Variants in TANGO2 observed in about 807,000 individuals in gnomAD.
TANGO2 encodes transport and Golgi organization protein 2 homolog.
In TANGO2, 26 loss-of-function variants were observed where a neutral mutation model predicts 39.1. The observed-to-expected ratio is 0.67, with a 90% CI of 0.49 to 0.92. TANGO2 has a LOEUF of 0.92. Among genes scored for constraint, TANGO2 ranks in the 40% least tolerant of loss-of-function variants. The pLI, the probability that TANGO2 is intolerant of heterozygous loss-of-function variation, is 0.00. For missense variants in TANGO2, 326 were observed against 360.1 expected, an observed-to-expected ratio of 0.91 and a Z score of 0.77; for synonymous variants, 131 against 144.5, an observed-to-expected ratio of 0.91 and a Z score of 0.67.
chr22:20,028,514 C>A lies in TANGO2; in HGVS notation c.-40+7268C>A, dbSNP rs561575760. Among the ~76,000 whole-genome samples, 3 of 152,344 alleles carry A rather than the reference C, an allele frequency of 2.0e-5. No homozygotes were observed. The East Asian group carries it at 5.8e-4, about 29-fold the overall frequency. ...AACAACTATGGGTCCCACCAGCCTC[C>A]AGAGCTGCCAGTCGTGGCTACAGGA... On this transcript the variant is annotated intron_variant, in intron 1 of 8. Transcript: ENST00000327374.
intron 1 of TANGO2, among the ~76,000 whole-genome samples, chr22:20,026,302 G>A (rs1003062321): frequency 6.6e-6 from 1 of 152,196 alleles, no homozygotes; most frequent in Non-Finnish European, 1.5e-5. Context: ...GGAGGCTGAG[G>A]CAGGAGAATT....
At chr22:20,053,415 A>G in intron 4 of TANGO2, 22 bp from the exon 5 acceptor site, 1 of 1,533,848 alleles carries the variant, frequency 6.5e-7, no homozygotes, top group Admixed American at 1.7e-5. Flanking sequence ...CTGTGGACAC[A>G]GCATCTGTCC....
At chr22:20,053,156 A>G (rs544368230) in intron 4 of TANGO2, among the ~76,000 whole-genome samples, 5 of 152,032 alleles carry the variant, frequency 3.3e-5, no homozygotes, top group Admixed American at 3.3e-4. Context: ...GTGGACACAC[A>G]TTGTCCCCAC....
chr22:20,063,267 G>A, intron 7 of TANGO2, 71 bp from the exon 8 acceptor site: 1 of 1,412,442 alleles, frequency 7.1e-7, no homozygotes, highest in Non-Finnish European at 9.9e-7. Flanking sequence ...CCACCAGGTG[G>A]GCTGGGGCTA....
At chr22:20,063,080 C>T (rs1045960170) in intron 7 of TANGO2, 4 of 413,368 alleles carry the variant, frequency 9.7e-6, no homozygotes, top group African/African-American at 2.0e-5. Context: ...TGCTTGAACT[C>T]GGGAGGTGGA....
intron 2 of TANGO2, among the ~76,000 whole-genome samples, chr22:20,042,174 T>C (rs542135977): frequency 1.3e-5 from 2 of 151,878 alleles, no homozygotes; most frequent in African/African-American, 2.4e-5. Flanking sequence ...TTTGTAGATA[T>C]GGGGTCTTAC....
chr22:20,055,445 T>A (rs2047157230), intron 5 of TANGO2: 1 of 199,892 alleles, frequency 5.0e-6, no homozygotes, highest in Admixed American at 5.3e-5. Flanking sequence ...TTAACTATTT[T>A]AAAGTGTACA....
chr22:20,023,305 G>GT (rs2040079796), intron 1 of TANGO2, among the ~76,000 whole-genome samples: 1 of 149,370 alleles, frequency 6.7e-6, no homozygotes, highest in South Asian at 2.1e-4. Flanking sequence ...CTTTTTTTTT[G>GT]TTTTTACTAA....
At position 20,036,802 on chromosome 22, in the gene TANGO2, T is replaced by C; in HGVS notation, c.4T>C (p.Cys2Arg). The C allele has an allele frequency of 6.2e-7, 1 of 1,614,228 alleles. No individual in the cohort carries two copies. The highest frequency in any genetic ancestry group is 8.5e-7 in the Non-Finnish European group (1 of 1,180,028). ...AGCAGAGCCGCCCTGCACCACCATG[T>C]GCATCATCTTCTTTAAGTTTGATCC... The part of the protein sequence containing the change: M[C>R]IIFFKFDPRP... Residue 2 changes from cysteine (C) to arginine (R), a missense_variant, in exon 2 of 9, where the codon TGC becomes CGC. Transcript: ENST00000327374.
At chr22:20,046,812 A>G (rs1161683564) in intron 3 of TANGO2, among the ~76,000 whole-genome samples, 4 of 151,904 alleles carry the variant, frequency 2.6e-5, no homozygotes, top group African/African-American at 9.7e-5. Context: ...CAATTTTTGT[A>G]TTTTTAGTAG....
At chr22:20,044,093 G>A (rs1747438321) in intron 3 of TANGO2, among the ~76,000 whole-genome samples, 1 of 152,172 alleles carries the variant, frequency 6.6e-6, no homozygotes, top group Non-Finnish European at 1.5e-5. Flanking sequence ...TAGATGGCTG[G>A]TGAGGCCACG....
chr22:20,063,680 T>G, intron 8 of TANGO2: 1 of 447,978 alleles, frequency 2.2e-6, no homozygotes, highest in Non-Finnish European at 4.0e-6. Context: ...CCAGGATGGC[T>G]TCAGGGCTGC....
intron 1 of TANGO2, among the ~76,000 whole-genome samples, chr22:20,024,359 G>A (rs1337948466): frequency 6.6e-6 from 1 of 152,232 alleles, no homozygotes; most frequent in Non-Finnish European, 1.5e-5. Flanking sequence ...CTTCGCCCAG[G>A]CCCCGTGAAC....
At position 20,061,462 on chromosome 22, in the gene TANGO2, G is replaced by A. The variant is rs781442961; in HGVS notation, c.452-68G>A. On this transcript the variant is annotated intron_variant, in intron 6 of 8. Transcript: ENST00000327374. The stretch of plus-strand genomic sequence containing the variant: ...AGCTGTACCCCGTGTTAGGTGGGTG[G>A]CAGGTGGCAATTTGCCCTGACATGG... 145 of 1,502,514 alleles carry A rather than the reference G, an allele frequency of 9.7e-5. No homozygotes were observed. The Middle Eastern group carries it at 1.4e-3, about 15-fold the overall frequency. 93.1% of individuals were successfully genotyped at this position (1,502,514 alleles called of 1,614,324 possible).
intron 1 of TANGO2, among the ~76,000 whole-genome samples, chr22:20,029,272 T>C (rs1346629185): frequency 6.6e-6 from 1 of 151,902 alleles, no homozygotes; most frequent in Admixed American, 6.6e-5. Flanking sequence ...TAGAGCGGGG[T>C]GGCTCTCAGA....
At chr22:20,032,902 G>T (rs2042131671) in intron 1 of TANGO2, among the ~76,000 whole-genome samples, 1 of 152,202 alleles carries the variant, frequency 6.6e-6, no homozygotes, top group South Asian at 2.1e-4. Context: ...TATATCCATG[G>T]CTCCCTCCCA....
chr22:20,062,046 A>G (rs1352258640), intron 7 of TANGO2, among the ~76,000 whole-genome samples: 2 of 152,228 alleles, frequency 1.3e-5, no homozygotes, highest in Non-Finnish European at 2.9e-5. Flanking sequence ...ACCCAGGCGG[A>G]AGAGACACAT....
At chr22:20,062,190 C>A (rs1183233024) in intron 7 of TANGO2, among the ~76,000 whole-genome samples, 2 of 152,182 alleles carry the variant, frequency 1.3e-5, no homozygotes, top group East Asian at 3.9e-4. Flanking sequence ...GTAGGAGCTC[C>A]CACCCACTTC....
chr22:20,043,279 T>G, intron 2 of TANGO2, 76 bp from the exon 3 acceptor site: 1 of 1,133,554 alleles, frequency 8.8e-7, no homozygotes, highest in Non-Finnish European at 1.3e-6. Context: ...TGAGGCCAGT[T>G]TTGTGTGTGA....
Sources: allele counts gnomAD v4.1 joint callset (sites outside exome capture counted in the v4.1 genomes callset), GRCh38; gene constraint gnomAD v4.1.1; transcripts MANE v1.5; gene names NCBI Gene and HGNC (gene_info 2026-07-23, HGNC 2026-07-21).